Variants in MCTP2 observed in about 807,000 individuals in gnomAD.
MCTP2 encodes multiple C2 and transmembrane domain-containing protein 2.
A neutral mutation model predicts 111.6 loss-of-function variants in MCTP2; 132 were observed. That is an observed-to-expected ratio of 1.18 (90% CI 1.03 to 1.37). MCTP2 has a LOEUF of 1.37. Ranked by LOEUF, MCTP2 falls within the 40% of genes most tolerant of loss-of-function variation. The pLI is 0.00. For synonymous variants in MCTP2, 395 were observed against 387.7 expected, an observed-to-expected ratio of 1.02 and a Z score of -0.22; for missense variants, 1,183 against 1,067.9, an observed-to-expected ratio of 1.11 and a Z score of -1.50.
chr15:94,386,682 A>G (rs1008647173), intron 14 of MCTP2, among the ~76,000 whole-genome samples: 1 of 152,022 alleles, frequency 6.6e-6, no homozygotes, highest in African/African-American at 2.4e-5. Context: ...TTCCCATGAG[A>G]ATACATGTAA....
chr15:94,330,382 C>T (rs1220273293), intron 4 of MCTP2, among the ~76,000 whole-genome samples: 1 of 152,120 alleles, frequency 6.6e-6, no homozygotes, highest in Non-Finnish European at 1.5e-5. Context: ...TATCAATAAT[C>T]ATGTATGCTT....
At chr15:94,408,178 T>C (rs1248479306) in intron 17 of MCTP2, among the ~76,000 whole-genome samples, 1 of 152,202 alleles carries the variant, frequency 6.6e-6, no homozygotes, top group Non-Finnish European at 1.5e-5. Context: ...CCACCAGAAG[T>C]CACAACTGGA....
intron 1 of MCTP2, among the ~76,000 whole-genome samples, chr15:94,271,192 G>A (rs1596236738): frequency 6.6e-6 from 1 of 152,146 alleles, no homozygotes. Flanking sequence ...AAATCCAGAT[G>A]ATGGAATTAA....
chr15:94,476,612 A>G, intron 21 of MCTP2, 84 bp from the exon 22 acceptor site: 1 of 430,486 alleles, frequency 2.3e-6, no homozygotes, highest in Non-Finnish European at 4.0e-6. Flanking sequence ...TGACAGATAG[A>G]TAGATAGATA....
At chr15:94,407,454 G>A (rs1272243339) in intron 17 of MCTP2, among the ~76,000 whole-genome samples, 1 of 152,112 alleles carries the variant, frequency 6.6e-6, no homozygotes. Flanking sequence ...ATATATCAAC[G>A]AGTATCTTCA....
At chr15:94,429,423 AACTC>A (rs2083058728) in intron 17 of MCTP2, among the ~76,000 whole-genome samples, 1 of 152,104 alleles carries the variant, frequency 6.6e-6, no homozygotes. Context: ...CGTTCTCTCA[AACTC>A]ACTCTTATCT....
intron 1 of MCTP2, among the ~76,000 whole-genome samples, chr15:94,284,754 C>T (rs1021900670): frequency 1.1e-4 from 16 of 152,144 alleles, no homozygotes; most frequent in Admixed American, 7.2e-4. Context: ...TATGAGAATG[C>T]ATAGCCAGTG....
chr15:94,339,035 A>G (rs974632496), intron 4 of MCTP2, among the ~76,000 whole-genome samples: 4 of 152,166 alleles, frequency 2.6e-5, no homozygotes, highest in East Asian at 3.9e-4. Context: ...TGCGAGTAGT[A>G]TAGGAGTGAC....
At chr15:94,313,099 T>C (rs527853886) in intron 2 of MCTP2, among the ~76,000 whole-genome samples, 4 of 152,260 alleles carry the variant, frequency 2.6e-5, no homozygotes, top group African/African-American at 9.6e-5. Context: ...TATCCAGTCG[T>C]CTTTGGAGGG....
Position 94,365,953 on chromosome 15 carries a change from T to A in MCTP2, c.1302-1652T>A, listed in dbSNP as rs372909243. 1.1e-4 allele frequency among the ~76,000 whole-genome samples: 16 copies of A among 152,300 alleles called. No homozygotes were observed. The East Asian group carries it at 3.1e-3, about 29-fold the overall frequency. On this transcript the variant is annotated intron_variant, in intron 10 of 22. Coordinates refer to ENST00000357742, the MANE Select transcript of MCTP2 (RefSeq NM_001385001.1). ...GAGCTTTACTAAATGAAAGTGTATA[T>A]AACAGTGTAAAATAATGCTTAGCAA... is the stretch of plus-strand genomic sequence containing the variant.
chr15:94,478,317 G>T (rs1214784929), intron 22 of MCTP2, among the ~76,000 whole-genome samples: 1 of 152,204 alleles, frequency 6.6e-6, no homozygotes, highest in African/African-American at 2.4e-5. Context: ...TGCAGCAAAA[G>T]AACATTCCAG....
chr15:94,315,961 A>G (rs896115929), intron 4 of MCTP2, among the ~76,000 whole-genome samples: 3 of 152,186 alleles, frequency 2.0e-5, no homozygotes, highest in African/African-American at 7.2e-5. Flanking sequence ...TTAATTATTC[A>G]TGAGAAAAAT....
chr15:94,314,887 A>C (rs2076311002), intron 3 of MCTP2: 1 of 397,330 alleles, frequency 2.5e-6, no homozygotes, highest in African/African-American at 2.1e-5. Flanking sequence ...GGATTAGAGT[A>C]AGAGACACTA....
intron 14 of MCTP2, among the ~76,000 whole-genome samples, chr15:94,392,463 GA>G (rs962323911): frequency 1.3e-5 from 2 of 151,874 alleles, no homozygotes; most frequent in Non-Finnish European, 2.9e-5. Context: ...TTAAAACAGG[GA>G]AAAATAATAA....
intron 19 of MCTP2, among the ~76,000 whole-genome samples, chr15:94,456,332 A>T (rs186830777): frequency 1.3e-4 from 20 of 152,316 alleles, no homozygotes; most frequent in African/African-American, 4.6e-4. Flanking sequence ...AGGGAAAAAA[A>T]ATTAGACAGT....
chr15:94,413,566 C>CTGAG (rs951826599), intron 17 of MCTP2, among the ~76,000 whole-genome samples: 3 of 74,798 alleles, frequency 4.0e-5, no homozygotes, highest in Non-Finnish European at 7.2e-5. Context: ...AGGCATGACG[C>CTGAG]TGAGTGTGTG....
intron 4 of MCTP2, among the ~76,000 whole-genome samples, chr15:94,322,249 G>A (rs1337131111): frequency 6.6e-6 from 1 of 152,036 alleles, no homozygotes; most frequent in African/African-American, 2.4e-5. Context: ...TGACCATGGA[G>A]GAGCAGCAGC....
chr15:94,435,321 G>A (rs1385315944), intron 17 of MCTP2, among the ~76,000 whole-genome samples: 1 of 152,054 alleles, frequency 6.6e-6, no homozygotes, highest in Non-Finnish European at 1.5e-5. Flanking sequence ...TACATATTCT[G>A]TAATGTTTCT....
At chr15:94,353,772 A>G (rs2078446796) in intron 8 of MCTP2, among the ~76,000 whole-genome samples, 1 of 152,224 alleles carries the variant, frequency 6.6e-6, no homozygotes, top group Admixed American at 6.5e-5. Flanking sequence ...AGCAGGATAT[A>G]TGAATCAAAA....
Sources: gnomAD v4.1 joint callset for allele counts (sites outside exome capture counted in the v4.1 genomes callset) on GRCh38, gnomAD v4.1.1 for gene constraint, MANE v1.5 for transcripts, NCBI Gene and HGNC (gene_info 2026-07-23, HGNC 2026-07-21) for gene names.